The following NETO1 variants were observed in gnomAD, a reference collection of about 807,000 sequenced individuals.
NETO1 encodes neuropilin and tolloid-like protein 1.
NETO1 carries 26 observed loss-of-function variants against 61.3 expected under a neutral mutation model. The ratio of observed to expected loss-of-function variants is 0.42; its 90% CI spans 0.31 to 0.59. The LOEUF (loss-of-function observed/expected upper bound fraction) is 0.59, where lower values mean the gene tolerates loss of function less well. Among genes scored for constraint, NETO1 ranks in the 20% least tolerant of loss-of-function variants. The pLI is 0.12. For missense variants in NETO1, 531 were observed against 662.8 expected (o/e 0.80, Z 2.18); for synonymous variants, 225 against 225.8 (o/e 1.00, Z 0.03).
chr18:72,772,819 CTCTCTCTATA>C (rs2071411698), intron 7 of NETO1, among the ~76,000 whole-genome samples: 3 of 52,618 alleles, frequency 5.7e-5, no homozygotes, highest in Non-Finnish European at 1.1e-4. Flanking sequence ...CTCTCTCTCT[CTCTCTCTATA>C]TATATATATA....
chr18:72,794,495 C>T (rs1190562612), intron 4 of NETO1, 91 bp from the exon 5 acceptor site: 2 of 1,292,320 alleles, frequency 1.5e-6, no homozygotes, highest in Middle Eastern at 2.8e-4. Flanking sequence ...TTCCAGAAAT[C>T]TACCTTAAAA....
chr18:72,756,317 T>C (rs4892037), intron 7 of NETO1, among the ~76,000 whole-genome samples, 170 bp from the exon 8 acceptor site: 37,907 of 152,016 alleles, frequency 0.25, 5,119 homozygotes, highest in Admixed American at 0.35. Context: ...AATTATTTCT[T>C]GTGTTACTAA....
At chr18:72,831,940 T>C (rs1260412596) in intron 4 of NETO1, among the ~76,000 whole-genome samples, 1 of 151,614 alleles carries the variant, frequency 6.6e-6, no homozygotes, top group Admixed American at 6.6e-5. Flanking sequence ...TGGTGTTGTC[T>C]CTTGAAAGTG....
At chr18:72,828,266 G>A (rs779356485) in intron 4 of NETO1, among the ~76,000 whole-genome samples, 6 of 151,796 alleles carry the variant, frequency 4.0e-5, no homozygotes, top group Non-Finnish European at 7.4e-5. Flanking sequence ...AGCCAAGATC[G>A]CACCATTGCA....
At chr18:72,849,439 A>G (rs1180940972) in intron 4 of NETO1, among the ~76,000 whole-genome samples, 1 of 152,132 alleles carries the variant, frequency 6.6e-6, no homozygotes, top group Non-Finnish European at 1.5e-5. Flanking sequence ...TGTTTTCTCT[A>G]CCATGCTTCT....
chr18:72,796,061 T>C (rs1050015233), intron 4 of NETO1, among the ~76,000 whole-genome samples: 3 of 152,212 alleles, frequency 2.0e-5, no homozygotes, highest in Non-Finnish European at 4.4e-5. Context: ...GTTACAATCT[T>C]TTAAAGTTAG....
At chr18:72,753,746 CG>C (rs2070700058) in intron 8 of NETO1, among the ~76,000 whole-genome samples, 1 of 152,072 alleles carries the variant, frequency 6.6e-6, no homozygotes, top group African/African-American at 2.4e-5. Context: ...TGTATATAAT[CG>C]TAATGTTGGA....
At chr18:72,768,201 G>C (rs2071228816) in intron 7 of NETO1, among the ~76,000 whole-genome samples, 1 of 151,928 alleles carries the variant, frequency 6.6e-6, no homozygotes, top group South Asian at 2.1e-4. Flanking sequence ...ATCTATACTT[G>C]CCCAAAGTCA....
At chr18:72,818,087 C>T (rs570292866) in intron 4 of NETO1, among the ~76,000 whole-genome samples, 166 of 152,026 alleles carry the variant, frequency 1.1e-3, no homozygotes, top group Non-Finnish European at 1.4e-3. Context: ...GATCAGCTTT[C>T]GTAACCTTTG....
rs185869343 is a variant in NETO1 at position 72,767,725 on chromosome 18, A to C, written c.869-11578T>G. ...CTCAATCAAAAGCTTTAAAAAAAAC[A>C]GGAAGGAAGGGAGGTAAGAGGAAGG... On this transcript the variant is annotated intron_variant, in intron 7 of 10. Transcript: ENST00000327305. 4.9e-4 allele frequency among the ~76,000 whole-genome samples: 74 copies of C among 152,242 alleles called. No individual in the cohort carries two copies. The East Asian group carries it at 0.012, about 24-fold the overall frequency.
chr18:72,817,306 A>G (rs2073059046), intron 4 of NETO1, among the ~76,000 whole-genome samples: 1 of 152,186 alleles, frequency 6.6e-6, no homozygotes, highest in Non-Finnish European at 1.5e-5. Context: ...ATGGAAACGA[A>G]TCAAGTCCCA....
In NETO1 at chr18:72,830,329, T is replaced by C. The variant is rs943700228; in HGVS notation, c.469+28497A>G. 3.3e-5 allele frequency among the ~76,000 whole-genome samples: 5 copies of C among 152,096 alleles called. No individual in the cohort carries two copies. Among genetic ancestry groups the C allele is most frequent in the African/African-American group, 1.2e-4 (5 of 41,400 alleles). ...GGCTGCAGCCACACACTCAGCACCCTGGACAGCGTCCAAACCCCAGAAACG... is the reference window on the plus strand; with the variant it reads ...GGCTGCAGCCACACACTCAGCACCCCGGACAGCGTCCAAACCCCAGAAACG... On this transcript the variant is annotated intron_variant, in intron 4 of 10. Transcript: ENST00000327305. This position sits in a 1 kb window ranked among gnomAD's most constrained non-coding sequence, Gnocchi z 4.9.
downstream of NETO1, chr18:72,742,876 AC>A (rs2070364404): frequency 6.6e-6 from 1 of 152,222 alleles, no homozygotes; most frequent in Admixed American, 6.5e-5. Context: ...TTGGCATGTG[AC>A]CCTCAGTATG....
At chr18:72,808,304 G>C (rs1049269455) in intron 4 of NETO1, among the ~76,000 whole-genome samples, 1 of 152,124 alleles carries the variant, frequency 6.6e-6, no homozygotes, top group Non-Finnish European at 1.5e-5. Flanking sequence ...TGAGTGTCTA[G>C]GAATAACGAA....
In NETO1 at chr18:72,867,435, G is replaced by A. The variant is rs940758678; in HGVS notation, c.-144C>T. ...ATAAAGGGGGGCCGAGAGGGAGACC[G>A]AGAGGAAGGGGGAGCTCCGAGCCCA... On this transcript the variant is annotated 5_prime_UTR_variant, in exon 1 of 11. Transcript: ENST00000327305. 203 of 492,268 alleles carry A rather than the reference G, an allele frequency of 4.1e-4. 1 individual carries two copies. Among genetic ancestry groups the A allele is most frequent in the Non-Finnish European group, 1.1e-4 (31 of 287,072 alleles). The allele number at this position is 492,268 out of a possible 1,614,324, so 30.5% of individuals were successfully genotyped here. A position where few individuals can be genotyped will look rare whatever the true frequency, so the allele number is the denominator to read the frequency against.
At chr18:72,790,053 A>G (rs111464738) in intron 6 of NETO1, among the ~76,000 whole-genome samples, 108 of 152,268 alleles carry the variant, frequency 7.1e-4, no homozygotes, top group Middle Eastern at 3.4e-3. Context: ...TTTTAATTTG[A>G]CTGAAAGTAT....
chr18:72,794,779 G>A (rs2072255864), intron 4 of NETO1, among the ~76,000 whole-genome samples: 1 of 152,064 alleles, frequency 6.6e-6, no homozygotes, highest in African/African-American at 2.4e-5. Context: ...TTTGTAAAAA[G>A]TATCAATAGG....
intron 4 of NETO1, among the ~76,000 whole-genome samples, chr18:72,817,412 G>A (rs993290442): frequency 2.0e-5 from 3 of 152,206 alleles, no homozygotes; most frequent in African/African-American, 7.2e-5. Flanking sequence ...CCAGTGCTCA[G>A]GCTGTTGCCA....
rs2072808970 is a variant in NETO1 at position 72,809,937 on chromosome 18, T to C, written c.470-15533A>G. ...ATCATATGCTAGGTGCGCAAGTCCC[T>C]TTTACGTCTATTTAGCTCGAAAATA... On this transcript the variant is annotated intron_variant, in intron 4 of 10. Coordinates refer to ENST00000327305, the MANE Select transcript of NETO1 (RefSeq NM_138966.5). 3.3e-5 allele frequency among the ~76,000 whole-genome samples: 5 copies of C among 152,360 alleles called. No individual in the cohort carries two copies. The South Asian group carries it at 1.0e-3, about 32-fold the overall frequency.
Sources: allele counts gnomAD v4.1 joint callset (sites outside exome capture counted in the v4.1 genomes callset), GRCh38; gene constraint gnomAD v4.1.1; non-coding constraint Gnocchi (gnomAD v3.1); transcripts MANE v1.5; gene names NCBI Gene and HGNC (gene_info 2026-07-23, HGNC 2026-07-21).